The following ATP6V1H variants were observed in gnomAD, a reference collection of about 807,000 sequenced individuals.
The protein encoded by ATP6V1H is V-type proton ATPase subunit H.
ATP6V1H carries 39 observed loss-of-function variants against 71.7 expected under a neutral mutation model. The observed-to-expected ratio is 0.54, with a 90% CI of 0.42 to 0.71. The LOEUF (loss-of-function observed/expected upper bound fraction) is 0.71, where lower values mean the gene tolerates loss of function less well. Ranked by LOEUF, ATP6V1H falls within the 30% of genes least tolerant of loss-of-function variation. ATP6V1H has a pLI of 0.00. For missense variants in ATP6V1H, 509 were observed against 594.9 expected (o/e 0.86, Z 1.50); for synonymous variants, 192 against 199.3 (o/e 0.96, Z 0.31).
chr8:53,743,978 C>A (rs1272756124), intron 12 of ATP6V1H, among the ~76,000 whole-genome samples: 2 of 152,116 alleles, frequency 1.3e-5, no homozygotes, highest in Non-Finnish European at 2.9e-5. Flanking sequence ...TATTTTAGAT[C>A]ATTGTTTTCT....
chr8:53,824,533 G>T (rs1810767331), intron 4 of ATP6V1H, among the ~76,000 whole-genome samples: 1 of 152,104 alleles, frequency 6.6e-6, no homozygotes, highest in African/African-American at 2.4e-5. Context: ...GACCAAGTGG[G>T]ATTTAACCTC....
At chr8:53,768,804 TGG>T (rs549691466) in intron 11 of ATP6V1H, among the ~76,000 whole-genome samples, 1 of 152,158 alleles carries the variant, frequency 6.6e-6, no homozygotes, top group African/African-American at 2.4e-5. Flanking sequence ...CCAAAGGATA[TGG>T]GGTTTCTTTT....
intron 9 of ATP6V1H, among the ~76,000 whole-genome samples, chr8:53,786,436 C>T (rs375321951): frequency 2.2e-4 from 33 of 152,186 alleles, no homozygotes; most frequent in African/African-American, 7.5e-4. Flanking sequence ...TGCCGTCTGT[C>T]ACCCCTTTCT....
intron 11 of ATP6V1H, among the ~76,000 whole-genome samples, chr8:53,763,655 A>G (rs1808353454): frequency 6.6e-6 from 1 of 152,216 alleles, no homozygotes; most frequent in Admixed American, 6.5e-5. Flanking sequence ...TTTCTGGTAC[A>G]GCATGTAAAG....
intron 12 of ATP6V1H, among the ~76,000 whole-genome samples, chr8:53,747,177 T>C (rs1250003784): frequency 6.6e-6 from 1 of 152,230 alleles, no homozygotes; most frequent in African/African-American, 2.4e-5. Context: ...ATTCTATTTG[T>C]TTAGTATTCT....
chr8:53,792,728 T>A (rs1027313163), intron 9 of ATP6V1H, among the ~76,000 whole-genome samples: 1 of 152,164 alleles, frequency 6.6e-6, no homozygotes, highest in African/African-American at 2.4e-5. Context: ...TCCTTATCAA[T>A]AAAAATAGTA....
Position 53,728,431 on chromosome 8 carries a change from C to T in ATP6V1H, c.1392-12407G>A, listed in dbSNP as rs912269614. 6.6e-5 allele frequency among the ~76,000 whole-genome samples: 10 copies of T among 152,264 alleles called. 1 individual carries two copies. The highest frequency in any genetic ancestry group is 5.2e-4 in the Admixed American group (8 of 15,294). ...ATTAGAAAATTTTACACTGATTACT[C>T]GTTGAAATAATGTAGAAATATTGGG... On this transcript the variant is annotated intron_variant, in intron 13 of 13. Coordinates refer to ENST00000359530, the MANE Select transcript of ATP6V1H (RefSeq NM_015941.4).
intron 8 of ATP6V1H, among the ~76,000 whole-genome samples, chr8:53,797,664 A>G (rs1176140486): frequency 6.6e-6 from 1 of 151,418 alleles, no homozygotes; most frequent in African/African-American, 2.4e-5. Flanking sequence ...TGCACTCACT[A>G]CCTTTCTGAC....
intron 9 of ATP6V1H, among the ~76,000 whole-genome samples, chr8:53,772,695 G>A (rs764155706): frequency 2.0e-5 from 3 of 151,998 alleles, no homozygotes; most frequent in Non-Finnish European, 2.9e-5. Context: ...GCAAATTCCC[G>A]AGTTCTCTTC....
chr8:53,821,678 C>A (rs1009207296), intron 4 of ATP6V1H, among the ~76,000 whole-genome samples: 3 of 151,670 alleles, frequency 2.0e-5, no homozygotes, highest in Non-Finnish European at 2.9e-5. Flanking sequence ...CAAAGTGAGA[C>A]CATGCATCAA....
intron 8 of ATP6V1H, 27 bp from the exon 9 acceptor site, chr8:53,795,866 A>C (rs780367190): frequency 7.7e-6 from 12 of 1,565,018 alleles, no homozygotes; most frequent in Admixed American, 2.0e-5. Flanking sequence ...CAAAAAAAAC[A>C]CATTTACAAA....
chr8:53,829,103 T>C (rs748241768), intron 4 of ATP6V1H, among the ~76,000 whole-genome samples: 3 of 152,206 alleles, frequency 2.0e-5, no homozygotes, highest in Non-Finnish European at 4.4e-5. Flanking sequence ...TGTTGACTGA[T>C]TGAATGAGAA....
intron 9 of ATP6V1H, among the ~76,000 whole-genome samples, chr8:53,785,367 G>A (rs1023340631): frequency 9.2e-5 from 14 of 152,034 alleles, no homozygotes; most frequent in Non-Finnish European, 1.3e-4. Context: ...CATAGTTCTC[G>A]TGCCGTGGTT....
chr8:53,779,179 T>G (rs1809006072), intron 9 of ATP6V1H, among the ~76,000 whole-genome samples: 1 of 152,146 alleles, frequency 6.6e-6, no homozygotes, highest in South Asian at 2.1e-4. Context: ...TAAATAACAC[T>G]GTCAACCACC....
At chr8:53,797,883 G>C (rs1008702602) in intron 8 of ATP6V1H, among the ~76,000 whole-genome samples, 5 of 151,856 alleles carry the variant, frequency 3.3e-5, no homozygotes, top group Non-Finnish European at 7.4e-5. Context: ...AATACAAAAA[G>C]GGCAAATGTG....
intron 2 of ATP6V1H, among the ~76,000 whole-genome samples, chr8:53,837,688 G>A (rs1811204500): frequency 6.6e-6 from 1 of 152,122 alleles, no homozygotes; most frequent in Admixed American, 6.5e-5. Context: ...GAGCGAGGGG[G>A]CATGATCAGA....
intron 8 of ATP6V1H, among the ~76,000 whole-genome samples, chr8:53,801,296 A>G (rs938760790): frequency 6.6e-6 from 1 of 152,202 alleles, no homozygotes; most frequent in Non-Finnish European, 1.5e-5. Context: ...TCTCATGAAC[A>G]AATAAATTGA....
chr8:53,737,101 G>A (rs1267808081), intron 13 of ATP6V1H, among the ~76,000 whole-genome samples: 1 of 152,200 alleles, frequency 6.6e-6, no homozygotes, highest in Non-Finnish European at 1.5e-5. Flanking sequence ...CCTTAAAAGG[G>A]CAGGCATTTC....
chr8:53,717,414 T>TA (rs1172507073), intron 13 of ATP6V1H, among the ~76,000 whole-genome samples: 3 of 152,198 alleles, frequency 2.0e-5, no homozygotes, highest in African/African-American at 7.2e-5. Context: ...TGAGACTGAA[T>TA]GAAGCATCCC....
Sources: gnomAD v4.1 joint callset for allele counts (sites outside exome capture counted in the v4.1 genomes callset) on GRCh38, gnomAD v4.1.1 for gene constraint, MANE v1.5 for transcripts, NCBI Gene and HGNC (gene_info 2026-07-23, HGNC 2026-07-21) for gene names.